The following NPAS3 variants were observed in gnomAD, a reference collection of about 807,000 sequenced individuals.
NPAS3 encodes the protein neuronal PAS domain protein 3, also known as neuronal PAS domain-containing protein 3.
A neutral mutation model predicts 73.1 loss-of-function variants in NPAS3; 14 were observed. The ratio of observed to expected loss-of-function variants is 0.19; its 90% CI spans 0.13 to 0.30. NPAS3 has a LOEUF of 0.30. Among genes scored for constraint, NPAS3 ranks in the 10% least tolerant of loss-of-function variants. NPAS3 has a pLI of 1.00. For missense variants in NPAS3, 1,096 were observed against 1,250.0 expected, an observed-to-expected ratio of 0.88 and a Z score of 1.86; for synonymous variants, 620 against 541.5, an observed-to-expected ratio of 1.14 and a Z score of -2.01.
intron 3 of NPAS3, among the ~76,000 whole-genome samples, chr14:33,219,381 T>G (rs1301011744): frequency 6.6e-6 from 1 of 152,216 alleles, no homozygotes; most frequent in Non-Finnish European, 1.5e-5. Flanking sequence ...TATTTACCAT[T>G]GCAGTCATAA....
At chr14:32,993,059 A>T (rs2038400399) in intron 1 of NPAS3, among the ~76,000 whole-genome samples, 1 of 151,674 alleles carries the variant, frequency 6.6e-6, no homozygotes, top group African/African-American at 2.4e-5. Context: ...CTGAGGCAGG[A>T]GAATATCTTG....
At chr14:33,127,446 G>T (rs2043468581) in intron 2 of NPAS3, among the ~76,000 whole-genome samples, 1 of 152,096 alleles carries the variant, frequency 6.6e-6, no homozygotes, top group African/African-American at 2.4e-5. Context: ...TTGTAGTGTT[G>T]CATTTCCGGC....
intron 2 of NPAS3, among the ~76,000 whole-genome samples, chr14:33,080,438 AC>A (rs750766060): frequency 5.3e-5 from 8 of 152,194 alleles, no homozygotes; most frequent in Non-Finnish European, 8.8e-5. Context: ...ATAAAGTAAG[AC>A]CCAAATATGT....
intron 2 of NPAS3, among the ~76,000 whole-genome samples, chr14:33,190,758 G>A (rs757194087): frequency 3.3e-5 from 5 of 152,108 alleles, no homozygotes; most frequent in African/African-American, 7.2e-5. Flanking sequence ...TTGTTTTGGC[G>A]CTCCCCCTAC....
In NPAS3 at chr14:33,297,962, T is replaced by C. The variant is rs935490279; in HGVS notation, c.386-69224T>C. On this transcript the variant is annotated intron_variant, in intron 3 of 11. Coordinates refer to ENST00000356141, the Ensembl canonical transcript of NPAS3. ...ATACTGGAGATTTAATCATACACTATGCAAGGCAGAGAGCAACTGGTTATT... is the reference window on the plus strand; with the variant it reads ...ATACTGGAGATTTAATCATACACTACGCAAGGCAGAGAGCAACTGGTTATT... Among the ~76,000 whole-genome samples, 35 of 152,180 alleles carry C rather than the reference T, an allele frequency of 2.3e-4. 1 individual carries two copies. The highest frequency in any genetic ancestry group is 4.0e-4 in the Non-Finnish European group (27 of 68,030).
intron 4 of NPAS3, among the ~76,000 whole-genome samples, chr14:33,423,713 G>A (rs2048445310): frequency 6.6e-6 from 1 of 151,940 alleles, no homozygotes; most frequent in Non-Finnish European, 1.5e-5. Context: ...TTTAGTCAAG[G>A]AGAAAAAGCA....
intron 2 of NPAS3, among the ~76,000 whole-genome samples, chr14:33,124,240 C>T (rs761969010): frequency 5.3e-5 from 8 of 152,158 alleles, no homozygotes; most frequent in Non-Finnish European, 1.0e-4. Context: ...CCAATAACAT[C>T]AGAGTAGATG....
chr14:33,079,671 G>A (rs2041801619), intron 2 of NPAS3, among the ~76,000 whole-genome samples: 1 of 141,984 alleles, frequency 7.0e-6, no homozygotes, highest in Non-Finnish European at 1.5e-5. Context: ...GAGTGCAGTG[G>A]TGCCATCTCG....
chr14:33,452,280 G>C (rs2049828723), intron 4 of NPAS3, among the ~76,000 whole-genome samples: 1 of 152,154 alleles, frequency 6.6e-6, no homozygotes, highest in Non-Finnish European at 1.5e-5. Flanking sequence ...TTTCTGTGAA[G>C]GAGGAGTTGA....
intron 3 of NPAS3, among the ~76,000 whole-genome samples, chr14:33,344,108 T>C (rs2044619868): frequency 6.6e-6 from 1 of 152,146 alleles, no homozygotes; most frequent in African/African-American, 2.4e-5. Flanking sequence ...GGCTTAAAAC[T>C]GATTATTATT....
intron 6 of NPAS3, among the ~76,000 whole-genome samples, chr14:33,728,358 T>C (rs1374858990): frequency 1.3e-5 from 2 of 152,220 alleles, no homozygotes; most frequent in African/African-American, 2.4e-5. Context: ...CATTATTGAA[T>C]CACAATTATT....
In NPAS3 at chr14:33,051,296, A is replaced by AAAAAAAAAAAAAAAAG. The variant is rs771840433; in HGVS notation, c.51-4608_51-4607insAAAAAAAAAAAAAAGA. ...ACTCCGTCTCAAAAAAAAAAAAAAA[A>AAAAAAAAAAAAAAAAG]AGAGAGACTAAAGAACTTCCCCACT... is the stretch of plus-strand genomic sequence containing the variant. On this transcript the variant is annotated intron_variant, in intron 1 of 11. Transcript: ENST00000356141. Among the ~76,000 whole-genome samples, 278 of 142,466 alleles carry AAAAAAAAAAAAAAAAG rather than the reference A, an allele frequency of 2.0e-3. 6 individuals carry two copies. The highest frequency in any genetic ancestry group is 7.0e-3 in the African/African-American group (254 of 36,100). 93.5% of individuals were successfully genotyped at this position (142,466 alleles called of 152,430 possible).
At chr14:33,795,220 C>A (rs1007006404) in intron 10 of NPAS3, among the ~76,000 whole-genome samples, 2 of 152,182 alleles carry the variant, frequency 1.3e-5, no homozygotes, top group Non-Finnish European at 2.9e-5. Flanking sequence ...CCTTAATGTG[C>A]ACCACTTAAA....
chr14:33,794,133 A>G (rs1267921597), intron 10 of NPAS3, 89 bp downstream of exon 10: 1 of 1,179,560 alleles, frequency 8.5e-7, no homozygotes, highest in Admixed American at 1.9e-5. Flanking sequence ...ACATGTTGTG[A>G]ATATTATCTT....
chr14:33,010,802 G>A (rs2039161715), intron 1 of NPAS3, among the ~76,000 whole-genome samples: 1 of 151,946 alleles, frequency 6.6e-6, no homozygotes, highest in Non-Finnish European at 1.5e-5. Context: ...GGGAGTAGTG[G>A]CATGCACCTG....
intron 3 of NPAS3, among the ~76,000 whole-genome samples, chr14:33,335,660 G>A (rs764019810): frequency 1.3e-5 from 2 of 152,092 alleles, no homozygotes; most frequent in African/African-American, 2.4e-5. Flanking sequence ...TAGGCCTTGC[G>A]GGACGTTTGA....
At chr14:33,429,918 A>C (rs1481375680) in intron 4 of NPAS3, among the ~76,000 whole-genome samples, 2 of 152,156 alleles carry the variant, frequency 1.3e-5, no homozygotes, top group African/African-American at 4.8e-5. Flanking sequence ...CTTGGGGACT[A>C]AATCAAGAGT....
In NPAS3 at chr14:33,446,008, G is replaced by A. The variant is rs11850749; in HGVS notation, c.468+78740G>A. Among the ~76,000 whole-genome samples, 18 of 150,328 alleles carry A rather than the reference G, an allele frequency of 1.2e-4. No homozygotes were observed. The East Asian group carries it at 1.4e-3, about 12-fold the overall frequency. ...CATTTACAGTTTTTGTGGCTTTAGTGAAATCTAGTTTTCTCTTATCTTTTT... is the reference window on the plus strand; with the variant it reads ...CATTTACAGTTTTTGTGGCTTTAGTAAAATCTAGTTTTCTCTTATCTTTTT... On this transcript the variant is annotated intron_variant, in intron 4 of 11. Transcript: ENST00000356141.
chr14:33,655,331 CT>C (rs3059406), intron 5 of NPAS3, among the ~76,000 whole-genome samples: 8,162 of 105,724 alleles, frequency 0.077, 260 homozygotes, highest in African/African-American at 0.11. Context: ...ACCTTTGGCT[CT>C]TTTTTTTTTT....
Sources: gnomAD v4.1 joint callset for allele counts (sites outside exome capture counted in the v4.1 genomes callset) on GRCh38, gnomAD v4.1.1 for gene constraint, MANE v1.5 for transcripts, NCBI Gene and HGNC (gene_info 2026-07-23, HGNC 2026-07-21) for gene names.